The following STXBP6 variants were observed in gnomAD, a reference collection of about 807,000 sequenced individuals.
STXBP6 encodes the protein syntaxin binding protein 6, also known as syntaxin-binding protein 6.
A neutral mutation model predicts 26.9 loss-of-function variants in STXBP6; 21 were observed. That is an observed-to-expected ratio of 0.78 (90% confidence interval 0.55 to 1.12). The LOEUF is 1.12. STXBP6 is among the 50% of genes most tolerant of loss of function. The probability of loss-of-function intolerance (pLI) is 0.00; values close to 1 mark genes in which losing one functional copy is unlikely to be tolerated. For missense variants in STXBP6, 232 were observed against 257.9 expected, an observed-to-expected ratio of 0.90 and a Z score of 0.69; for synonymous variants, 97 against 92.6, an observed-to-expected ratio of 1.05 and a Z score of -0.27.
At chr14:25,047,574 G>A (rs758261055) in intron 1 of STXBP6, among the ~76,000 whole-genome samples, 12 of 152,044 alleles carry the variant, frequency 7.9e-5, no homozygotes, top group Non-Finnish European at 1.5e-4. Flanking sequence ...CTAATTCTTG[G>A]GCCTTCACCC....
At chr14:25,001,012 A>C (rs187085288) in intron 1 of STXBP6, among the ~76,000 whole-genome samples, 19 of 152,102 alleles carry the variant, frequency 1.2e-4, no homozygotes, top group Middle Eastern at 3.4e-3. Context: ...TTTTTCTCCA[A>C]TTTATCTGCT....
chr14:25,049,147 G>C lies in STXBP6; in HGVS notation c.-33+731C>G, dbSNP rs1032214020. 3.0e-6 allele frequency: 3 copies of C among 984,670 alleles called. No homozygotes were observed. The highest frequency in any genetic ancestry group is 3.5e-5 in the African/African-American group (2 of 57,228). 61.0% of individuals were successfully genotyped at this position (984,670 alleles called of 1,614,324 possible). Reference sequence around the variant, plus strand: ...CTGTGAAGATGAACGGGGTGGGGTGGTGAGGTGGCGGGGTGTTGTAAACCT... The same window carrying C: ...CTGTGAAGATGAACGGGGTGGGGTGCTGAGGTGGCGGGGTGTTGTAAACCT... On this transcript the variant is annotated intron_variant, in intron 1 of 5. Coordinates refer to ENST00000323944, the MANE Select transcript of STXBP6 (RefSeq NM_001394410.1). The surrounding 1 kb of genome is among the most constrained non-coding windows in gnomAD (Gnocchi z 5.6).
intron 2 of STXBP6, among the ~76,000 whole-genome samples, chr14:24,862,118 C>T (rs770308026): frequency 6.6e-6 from 1 of 152,194 alleles, no homozygotes; most frequent in South Asian, 2.1e-4. Context: ...CCTCATCAGC[C>T]TCCCAACTAG....
intron 4 of STXBP6, among the ~76,000 whole-genome samples, chr14:24,834,693 T>A (rs2068558840): frequency 6.6e-6 from 1 of 152,160 alleles, no homozygotes; most frequent in Non-Finnish European, 1.5e-5. Flanking sequence ...TTGTAAATAT[T>A]CTTGAAAAGA....
At position 24,973,767 on chromosome 14, in the gene STXBP6, C is replaced by T. The variant is rs534446600; in HGVS notation, c.154+898G>A. On this transcript the variant is annotated intron_variant, in intron 2 of 5. Coordinates refer to ENST00000323944, the MANE Select transcript of STXBP6 (RefSeq NM_001394410.1). ...ACACAGTCTTAGAAATTTACATGTT[C>T]TTTCTGGTAAAAAGTTACTTTTACC... Among the ~76,000 whole-genome samples the T allele has an allele frequency of 2.7e-3, 406 of 152,200 alleles. 3 individuals carry two copies. Among genetic ancestry groups the T allele is most frequent in the African/African-American group, 9.2e-3 (383 of 41,520 alleles).
At chr14:24,872,174 T>G (rs1161039657) in intron 2 of STXBP6, among the ~76,000 whole-genome samples, 1 of 152,196 alleles carries the variant, frequency 6.6e-6, no homozygotes, top group Admixed American at 6.5e-5. Flanking sequence ...AATCGGCAGA[T>G]TCCTAGACAC....
intron 2 of STXBP6, among the ~76,000 whole-genome samples, chr14:24,867,513 CTTG>C (rs993179307): frequency 6.6e-5 from 10 of 152,118 alleles, no homozygotes; most frequent in African/African-American, 2.4e-4. Context: ...ATGTGGAAAA[CTTG>C]TTTTCAATAA....
intron 2 of STXBP6, among the ~76,000 whole-genome samples, chr14:24,933,730 T>C (rs1018465938): frequency 1.3e-5 from 2 of 152,170 alleles, no homozygotes; most frequent in Non-Finnish European, 2.9e-5. Flanking sequence ...TTGAATATTA[T>C]AGAACACACG....
At chr14:24,970,039 C>T (rs1231886985) in intron 2 of STXBP6, among the ~76,000 whole-genome samples, 3 of 152,074 alleles carry the variant, frequency 2.0e-5, no homozygotes, top group Non-Finnish European at 4.4e-5. Flanking sequence ...GTCGGGAACT[C>T]GAGACCAGCT....
At position 24,986,220 on chromosome 14, in the gene STXBP6, C is replaced by T. The variant is rs537261530; in HGVS notation, c.-32-11370G>A. Among the ~76,000 whole-genome samples, 5 of 152,304 alleles carry T rather than the reference C, an allele frequency of 3.3e-5. No individual in the cohort carries two copies. In the East Asian group the frequency reaches 9.6e-4, roughly 29 times the overall value. Reference sequence around the variant, plus strand: ...TAGAGTTCTAAACCTTAACTCTTGGCTATCACCTTTTTCCCCTTGAATTTT... The same window carrying T: ...TAGAGTTCTAAACCTTAACTCTTGGTTATCACCTTTTTCCCCTTGAATTTT... On this transcript the variant is annotated intron_variant, in intron 1 of 5. Coordinates refer to ENST00000323944, the MANE Select transcript of STXBP6 (RefSeq NM_001394410.1).
intron 2 of STXBP6, among the ~76,000 whole-genome samples, chr14:24,905,157 C>T (rs1036016834): frequency 2.0e-5 from 3 of 152,162 alleles, no homozygotes; most frequent in African/African-American, 7.2e-5. Context: ...CAGGATAGAA[C>T]CATCTCAAAT....
At chr14:24,940,728 T>C (rs2072771730) in intron 2 of STXBP6, among the ~76,000 whole-genome samples, 1 of 152,124 alleles carries the variant, frequency 6.6e-6, no homozygotes, top group East Asian at 1.9e-4. Flanking sequence ...TAAAACCAAG[T>C]AACTGGCCTT....
chr14:24,931,134 A>AACAAAAAAAAAAAAAC (rs71121807), intron 2 of STXBP6, among the ~76,000 whole-genome samples: 9 of 118,002 alleles, frequency 7.6e-5, no homozygotes, highest in Admixed American at 3.6e-4. Flanking sequence ...AAAAAAAAAA[A>AACAAAAAAAAAAAAAC]AAAAAAAACC....
chr14:25,003,754 T>C (rs568379938), intron 1 of STXBP6, among the ~76,000 whole-genome samples: 3 of 152,098 alleles, frequency 2.0e-5, no homozygotes, highest in Admixed American at 6.5e-5. Context: ...AATCTCATGC[T>C]GGATGACTCC....
intron 1 of STXBP6, among the ~76,000 whole-genome samples, chr14:25,023,873 A>C (rs926670639): frequency 3.9e-5 from 6 of 152,188 alleles, no homozygotes; most frequent in Non-Finnish European, 5.9e-5. Flanking sequence ...ATATTATCTG[A>C]TTTGATCCTG....
intron 2 of STXBP6, among the ~76,000 whole-genome samples, chr14:24,929,043 C>G (rs973197534): frequency 1.3e-5 from 2 of 152,086 alleles, no homozygotes; most frequent in African/African-American, 4.8e-5. Context: ...GGGTAACACA[C>G]CTTTCAGGTT....
chr14:25,030,753 G>A (rs2075438613), intron 1 of STXBP6, among the ~76,000 whole-genome samples: 1 of 152,090 alleles, frequency 6.6e-6, no homozygotes, highest in Admixed American at 6.5e-5. Flanking sequence ...CATGCTTTCT[G>A]AAATTGCTAC....
chr14:24,913,830 G>A (rs1018317268), intron 2 of STXBP6, among the ~76,000 whole-genome samples: 3 of 152,180 alleles, frequency 2.0e-5, no homozygotes, highest in Non-Finnish European at 2.9e-5. Context: ...ATGGAATAAA[G>A]TGGTCCCCAG....
intron 2 of STXBP6, among the ~76,000 whole-genome samples, chr14:24,922,411 C>A (rs149261916): frequency 1.3e-5 from 2 of 152,132 alleles, no homozygotes; most frequent in African/African-American, 2.4e-5. Flanking sequence ...TCTCACCTAG[C>A]GGAATTATCA....
Sources: allele counts gnomAD v4.1 joint callset (sites outside exome capture counted in the v4.1 genomes callset), GRCh38; gene constraint gnomAD v4.1.1; non-coding constraint Gnocchi (gnomAD v3.1); transcripts MANE v1.5; gene names NCBI Gene and HGNC (gene_info 2026-07-23, HGNC 2026-07-21).